The following C2orf92 variants were observed in gnomAD, a reference collection of about 807,000 sequenced individuals.
The protein encoded by C2orf92 is chromosome 2 open reading frame 92.
chr2:97,674,734 A>G (rs1288705225), intron 2 of C2orf92, among the ~76,000 whole-genome samples, 177 bp downstream of exon 2: 1 of 152,176 alleles, frequency 6.6e-6, no homozygotes, highest in African/African-American at 2.4e-5. Context: ...TCTTCCTCCC[A>G]ATATGGGAGT....
intron 1 of C2orf92, among the ~76,000 whole-genome samples, chr2:97,672,992 T>C (rs1675463094): frequency 6.6e-6 from 1 of 152,140 alleles, no homozygotes; most frequent in African/African-American, 2.4e-5. Context: ...GCCAGAAACC[T>C]GAGAACTTAA....
chr2:97,683,042 G>T (rs1675829029), intron 3 of C2orf92, among the ~76,000 whole-genome samples: 1 of 149,846 alleles, frequency 6.7e-6, no homozygotes, highest in African/African-American at 2.5e-5. Context: ...GGTTGCAGAT[G>T]ACTTGATCTT....
At chr2:97,673,559 A>G (rs925006890) in intron 1 of C2orf92, among the ~76,000 whole-genome samples, 2 of 152,128 alleles carry the variant, frequency 1.3e-5, no homozygotes, top group African/African-American at 4.8e-5. Flanking sequence ...GTCTCAATAA[A>G]TACTGTGGTC....
chr2:97,679,052 A>G (rs1412982333), intron 3 of C2orf92, among the ~76,000 whole-genome samples: 2 of 152,116 alleles, frequency 1.3e-5, no homozygotes, highest in African/African-American at 4.8e-5. Context: ...TTATCTTTCC[A>G]GAATAAAAGA....
chr2:97,702,680 CA>C lies in C2orf92; in HGVS notation c.680del (p.Asn227ThrfsTer8). 1 of 398,916 alleles carries C rather than the reference CA, an allele frequency of 2.5e-6. No individual in the cohort carries two copies. 24.7% of individuals were successfully genotyped at this position (398,916 alleles called of 1,614,324 possible). ...TTATTTTGTTTTAGATCTCCTCTGG[CA>C]AACACGACATATAATATTTTTATAA... ...IRKKQPSSPL[A>X]NTTYNIFIMD... On this transcript the variant is annotated frameshift_variant, in exon 8 of 8. Coordinates refer to ENST00000627399, the MANE Select transcript of C2orf92 (RefSeq NM_001351368.2). LOFTEE classifies it low-confidence loss of function (END_TRUNC).
chr2:97,685,356 C>T (rs1223912044), intron 3 of C2orf92, among the ~76,000 whole-genome samples: 2 of 149,400 alleles, frequency 1.3e-5, no homozygotes, highest in Non-Finnish European at 3.0e-5. Context: ...AACTCTGCCT[C>T]CCAGGTTCAC....
chr2:97,689,324 C>G (rs1676056635), intron 4 of C2orf92, among the ~76,000 whole-genome samples: 1 of 152,216 alleles, frequency 6.6e-6, no homozygotes, highest in Non-Finnish European at 1.5e-5. Flanking sequence ...GAGCCCCCAG[C>G]AGCATCCTAA....
intron 3 of C2orf92, among the ~76,000 whole-genome samples, chr2:97,678,696 A>G (rs1675663048): frequency 6.6e-6 from 1 of 151,796 alleles, no homozygotes; most frequent in Non-Finnish European, 1.5e-5. Flanking sequence ...TCAGCAGGGC[A>G]TGGTGGCTCA....
At chr2:97,666,524 C>A (rs1234628604), upstream of C2orf92, among the ~76,000 whole-genome samples, 2 of 94,574 alleles carry the variant, frequency 2.1e-5, no homozygotes, top group East Asian at 2.5e-4. Flanking sequence ...AGTGAGACTC[C>A]GTCTCAAAAA....
intron 5 of C2orf92, among the ~76,000 whole-genome samples, chr2:97,698,587 A>G (rs973912690): frequency 6.6e-6 from 1 of 152,262 alleles, no homozygotes; most frequent in African/African-American, 2.4e-5. Flanking sequence ...TCTCTATTTT[A>G]TGCAAGTGGA....
At chr2:97,681,372 A>G (rs944711655) in intron 3 of C2orf92, among the ~76,000 whole-genome samples, 1 of 152,192 alleles carries the variant, frequency 6.6e-6, no homozygotes, top group Non-Finnish European at 1.5e-5. Flanking sequence ...GAAACTAGAA[A>G]TCTACAACAG....
chr2:97,691,536 A>G (rs1044163935), intron 5 of C2orf92, among the ~76,000 whole-genome samples: 1 of 152,160 alleles, frequency 6.6e-6, no homozygotes, highest in Non-Finnish European at 1.5e-5. Context: ...TCCATGAAGC[A>G]TTTCTCCCCT....
intron 3 of C2orf92, among the ~76,000 whole-genome samples, chr2:97,681,592 C>T (rs780798316): frequency 6.6e-6 from 1 of 152,236 alleles, no homozygotes; most frequent in Non-Finnish European, 1.5e-5. Context: ...AGAGGATCTT[C>T]TCACGCCTGT....
At chr2:97,675,533 G>T in intron 2 of C2orf92, 1 of 268,362 alleles carries the variant, frequency 3.7e-6, no homozygotes, top group Non-Finnish European at 6.9e-6. Context: ...GAAATCATTT[G>T]CCATACACCA....
intron 5 of C2orf92, among the ~76,000 whole-genome samples, chr2:97,692,582 G>T (rs1676174255): frequency 6.6e-6 from 1 of 151,628 alleles, no homozygotes; most frequent in Non-Finnish European, 1.5e-5. Flanking sequence ...GTTAATTTTT[G>T]AATTTTTATT....
At position 97,689,013 on chromosome 2, in the gene C2orf92, A is replaced by G. The variant is rs1676049997; in HGVS notation, c.331+20A>G. 7.5e-6 allele frequency: 3 copies of G among 398,526 alleles called. No individual in the cohort carries two copies. Among genetic ancestry groups the G allele is most frequent in the Admixed American group, 8.8e-5 (2 of 22,710 alleles). The allele number at this position is 398,526 out of a possible 1,614,324, so 24.7% of individuals were successfully genotyped here. ...GAAAAGGCAAGTGTATGTCATTAACATAATAAGTGCACACATTTCTATAGG... is the reference window on the plus strand; with the variant it reads ...GAAAAGGCAAGTGTATGTCATTAACGTAATAAGTGCACACATTTCTATAGG... On this transcript the variant is annotated intron_variant, in intron 4 of 7. Transcript: ENST00000627399.
upstream of C2orf92, among the ~76,000 whole-genome samples, chr2:97,666,407 T>C (rs1675230942): frequency 6.6e-6 from 1 of 151,660 alleles, no homozygotes; most frequent in South Asian, 2.1e-4. Context: ...CGTGGTGGCA[T>C]GCGTCTGTTG....
At position 97,678,278 on chromosome 2, in the gene C2orf92, G is replaced by GA. The variant is rs1187969774; in HGVS notation, c.232+2362dup. Among the ~76,000 whole-genome samples the GA allele has an allele frequency of 8.9e-3, 1,224 of 137,184 alleles. 18 individuals are homozygous for GA. Among genetic ancestry groups the GA allele is most frequent in the East Asian group, 0.056 (272 of 4,834 alleles). 90.0% of individuals were successfully genotyped at this position (137,184 alleles called of 152,430 possible). ...AAGTATCCAGCCTGAGAAGCAGAAA[G>GA]AAAAAAAAAAAAGAAAATGAATTGA... On this transcript the variant is annotated intron_variant, in intron 3 of 7. Coordinates refer to ENST00000627399, the MANE Select transcript of C2orf92 (RefSeq NM_001351368.2).
At chr2:97,694,645 T>C (rs1206973460) in intron 5 of C2orf92, 1 of 152,180 alleles carries the variant, frequency 6.6e-6, no homozygotes, top group Non-Finnish European at 1.5e-5. Context: ...CCTTGATGGA[T>C]ATTTGGGTTG....
Sources: allele counts gnomAD v4.1 joint callset (sites outside exome capture counted in the v4.1 genomes callset), GRCh38; gene constraint gnomAD v4.1.1; transcripts MANE v1.5; gene names NCBI Gene and HGNC (gene_info 2026-07-23, HGNC 2026-07-21).